TPRG1: variants seen among roughly 807,000 people sequenced by gnomAD.
TPRG1 encodes tumor protein p63 regulated 1.
TPRG1 carries 29 observed loss-of-function variants against 29.3 expected under a neutral mutation model. That is an observed-to-expected ratio of 0.99 (90% CI 0.74 to 1.35). The LOEUF is 1.35. Ranked by LOEUF, TPRG1 falls within the 40% of genes most tolerant of loss-of-function variation. The pLI, the probability that TPRG1 is intolerant of heterozygous loss-of-function variation, is 0.00. For missense variants in TPRG1, 327 were observed against 335.0 expected, an observed-to-expected ratio of 0.98 and a Z score of 0.19; for synonymous variants, 130 against 116.8, an observed-to-expected ratio of 1.11 and a Z score of -0.73.
intron 2 of TPRG1, chr3:189,004,424 T>C (rs1712184090): frequency 1.3e-5 from 2 of 152,178 alleles, no homozygotes; most frequent in South Asian, 4.1e-4. Context: ...TCCCCCTGTT[T>C]ACATGATGGA....
chr3:189,162,525 G>A (rs1204309496), intron 5 of TPRG1, among the ~76,000 whole-genome samples: 1 of 152,180 alleles, frequency 6.6e-6, no homozygotes, highest in East Asian at 1.9e-4. Flanking sequence ...TAAGTAATAT[G>A]ACAATGAAGA....
chr3:189,264,632 A>G lies in TPRG1; in HGVS notation c.479+25723A>G, dbSNP rs1225648024. Reference sequence around the variant, plus strand: ...CTTCATTTAGGTGTGTCTGACTACTAGAGTTTTTTTTCCAATGAAGTGTTC... The same window carrying G: ...CTTCATTTAGGTGTGTCTGACTACTGGAGTTTTTTTTCCAATGAAGTGTTC... On this transcript the variant is annotated intron_variant, in intron 4 of 5. Transcript: ENST00000345063. Among the ~76,000 whole-genome samples the G allele has an allele frequency of 3.9e-5, 6 of 152,140 alleles. No homozygotes were observed. The East Asian group carries it at 1.2e-3, about 29-fold the overall frequency.
At chr3:189,257,837 G>A (rs1712183083) in intron 4 of TPRG1, among the ~76,000 whole-genome samples, 1 of 152,170 alleles carries the variant, frequency 6.6e-6, no homozygotes, top group South Asian at 2.1e-4. Context: ...CTCGTGCTAT[G>A]TTTCTCAGCT....
At chr3:189,006,712 T>TAA (rs890206413) in intron 3 of TPRG1, among the ~76,000 whole-genome samples, 1 of 151,402 alleles carries the variant, frequency 6.6e-6, no homozygotes, top group Non-Finnish European at 1.5e-5. Flanking sequence ...AGTCCCAGTT[T>TAA]AAAAAAAAAT....
At chr3:189,221,414 G>A (rs759617761) in intron 3 of TPRG1, among the ~76,000 whole-genome samples, 9 of 152,094 alleles carry the variant, frequency 5.9e-5, no homozygotes, top group Non-Finnish European at 1.3e-4. Context: ...GATTCCACAC[G>A]TGCCTCAGTA....
chr3:189,185,391 A>AT (rs777427145), intron 1 of TPRG1, among the ~76,000 whole-genome samples: 5 of 151,782 alleles, frequency 3.3e-5, no homozygotes, highest in African/African-American at 7.3e-5. Flanking sequence ...AGCTGGGTAT[A>AT]TTTTTGAAAT....
At position 189,215,381 on chromosome 3, in the gene TPRG1, A is replaced by C; in HGVS notation, c.300A>C (p.Thr100=). 6.2e-7 allele frequency: 1 copy of C among 1,610,854 alleles called. No individual in the cohort carries two copies. Among genetic ancestry groups the C allele is most frequent in the East Asian group, 2.2e-5 (1 of 44,706 alleles). ...GETIQGFWLL[T]KIDHWNNEKE... is the part of the protein sequence containing the mutation. ...CCATTCAAGGCTTCTGGCTCTTGAC[A>C]AAGTGAGTAGTCACAGCTAAGTGAA... Residue 100 remains threonine, a splice_region_variant and synonymous_variant, in exon 3 of 6, where the codon ACA becomes ACC. Transcript: ENST00000345063.
chr3:188,998,817 G>A (rs1175119308), intron 1 of TPRG1, among the ~76,000 whole-genome samples: 2 of 152,144 alleles, frequency 1.3e-5, no homozygotes, highest in African/African-American at 4.8e-5. Flanking sequence ...GAGGCTGAGG[G>A]GGTGTGGGAG....
intron 5 of TPRG1, among the ~76,000 whole-genome samples, chr3:189,315,270 T>G (rs1723303745): frequency 7.1e-6 from 1 of 141,768 alleles, no homozygotes; most frequent in East Asian, 2.0e-4. Flanking sequence ...GGTATAAGCC[T>G]GAAAGAATTG....
At chr3:189,124,489 C>T (rs1722199430) in intron 1 of TPRG1, among the ~76,000 whole-genome samples, 1 of 151,740 alleles carries the variant, frequency 6.6e-6, no homozygotes, top group South Asian at 2.1e-4. Context: ...AGGGCTTTCT[C>T]TTTTGTTTCA....
intron 2 of TPRG1, among the ~76,000 whole-genome samples, chr3:189,212,567 ATT>A (rs5855243): frequency 4.0e-5 from 6 of 150,522 alleles, no homozygotes; most frequent in African/African-American, 9.7e-5. Context: ...AAAAAAGATG[ATT>A]TTTTTTTTTC....
chr3:189,101,418 T>C (rs569867458), intron 1 of TPRG1, among the ~76,000 whole-genome samples: 6 of 151,950 alleles, frequency 3.9e-5, no homozygotes, highest in Admixed American at 2.6e-4. Context: ...AAAAAAAAAT[T>C]AGGTATTTGG....
At chr3:189,218,287 GT>G (rs113693460) in intron 3 of TPRG1, among the ~76,000 whole-genome samples, 3 of 146,712 alleles carry the variant, frequency 2.0e-5, no homozygotes, top group African/African-American at 2.5e-5. Context: ...CTAATTTTTT[GT>G]TTTTTTTTTA....
chr3:189,196,886 G>A (rs917571563), intron 1 of TPRG1, among the ~76,000 whole-genome samples: 13 of 152,158 alleles, frequency 8.5e-5, no homozygotes, highest in African/African-American at 2.9e-4. Context: ...AAACTTAGAT[G>A]AATACTTTCC....
intron 4 of TPRG1, among the ~76,000 whole-genome samples, chr3:189,259,659 G>A (rs902492590): frequency 1.3e-5 from 2 of 151,584 alleles, no homozygotes; most frequent in Admixed American, 6.6e-5. Flanking sequence ...TGGTAGAGAC[G>A]GGGTTTCAGC....
intron 1 of TPRG1, among the ~76,000 whole-genome samples, chr3:189,180,533 G>A (rs1578692272): frequency 6.6e-6 from 1 of 152,276 alleles, no homozygotes; most frequent in Non-Finnish European, 1.5e-5. Flanking sequence ...CCAAAATCAA[G>A]CAGGGCACTC....
chr3:189,142,201 T>C (rs1724664927), intron 3 of TPRG1, among the ~76,000 whole-genome samples: 2 of 152,146 alleles, frequency 1.3e-5, no homozygotes, highest in Admixed American at 1.3e-4. Context: ...GCTCCTTCCA[T>C]CTTCGTGGTG....
chr3:189,159,618 G>T (rs1375169555), intron 5 of TPRG1, among the ~76,000 whole-genome samples: 4 of 152,142 alleles, frequency 2.6e-5, no homozygotes, highest in Non-Finnish European at 5.9e-5. Flanking sequence ...GTTATTACTA[G>T]CAATCTGAAG....
intron 4 of TPRG1, among the ~76,000 whole-genome samples, chr3:189,270,531 C>T (rs1210823257): frequency 6.6e-6 from 1 of 152,194 alleles, no homozygotes; most frequent in African/African-American, 2.4e-5. Flanking sequence ...GGTCCCCACG[C>T]CAGTGAGGCA....
Sources: gnomAD v4.1 joint callset for allele counts (sites outside exome capture counted in the v4.1 genomes callset) on GRCh38, gnomAD v4.1.1 for gene constraint, MANE v1.5 for transcripts, NCBI Gene and HGNC (gene_info 2026-07-23, HGNC 2026-07-21) for gene names.